ITFG2: variants seen among roughly 807,000 people sequenced by gnomAD.
ITFG2 encodes integrin alpha FG-GAP repeat containing 2.
ITFG2 carries 36 observed loss-of-function variants against 54.4 expected under a neutral mutation model. That is an observed-to-expected ratio of 0.66 (90% CI 0.51 to 0.87). The LOEUF (loss-of-function observed/expected upper bound fraction) is 0.87, where lower values mean the gene tolerates loss of function less well. Ranked by LOEUF, ITFG2 falls within the 40% of genes least tolerant of loss-of-function variation. The pLI is 0.00. For synonymous variants in ITFG2, 211 were observed against 225.4 expected (o/e 0.94, Z 0.57); for missense variants, 524 against 576.7 (o/e 0.91, Z 0.94).
At chr12:2,817,084 A>T in intron 1 of ITFG2, 139 bp from the exon 2 acceptor site, 1 of 605,844 alleles carries the variant, frequency 1.7e-6, no homozygotes, top group South Asian at 1.9e-5. Context: ...GAGTCATTGC[A>T]CCTGGCCAGA....
At chr12:2,850,272 G>A (rs1016299171) in intron 2 of ITFG2, among the ~76,000 whole-genome samples, 8 of 152,000 alleles carry the variant, frequency 5.3e-5, no homozygotes, top group Non-Finnish European at 1.2e-4. Flanking sequence ...TCAAGAGTTC[G>A]AGACCAGCCT....
At chr12:2,853,718 C>G (rs1047306556) in intron 2 of ITFG2, among the ~76,000 whole-genome samples, 3 of 152,156 alleles carry the variant, frequency 2.0e-5, no homozygotes, top group African/African-American at 7.2e-5. Context: ...TGCCTTCCCC[C>G]TTTCTTGTTA....
chr12:2,859,126 T>C (rs770458870), intron 3 of ITFG2: 15 of 1,606,292 alleles, frequency 9.3e-6, no homozygotes, highest in Middle Eastern at 3.3e-4. Flanking sequence ...GTTTCCTTAA[T>C]GGGTGTCTTA....
chr12:2,820,897 G>C, intron 6 of ITFG2, 25 bp downstream of exon 6: 1 of 1,609,894 alleles, frequency 6.2e-7, no homozygotes, highest in Non-Finnish European at 8.5e-7. Flanking sequence ...GCCAGTGGAT[G>C]GTGTGGGGGT....
At chr12:2,852,091 G>A (rs2098072901) in intron 2 of ITFG2, among the ~76,000 whole-genome samples, 3 of 152,136 alleles carry the variant, frequency 2.0e-5, no homozygotes, top group Admixed American at 2.0e-4. Flanking sequence ...GGACCGCTGT[G>A]GTATATGTGG....
intron 2 of ITFG2, chr12:2,855,276 G>A (rs1309736886): frequency 2.6e-6 from 4 of 1,517,306 alleles, no homozygotes; most frequent in Middle Eastern, 1.7e-4. Context: ...AAGGGTGGAT[G>A]AGCCGCTGAC....
intron 2 of ITFG2, among the ~76,000 whole-genome samples, chr12:2,842,943 A>G (rs577599544): frequency 6.6e-6 from 1 of 152,190 alleles, no homozygotes; most frequent in East Asian, 1.9e-4. Context: ...GATGAACTGT[A>G]TCCCACCTTC....
upstream of ITFG2, chr12:2,834,707 G>A (rs766479299): frequency 3.7e-6 from 6 of 1,613,908 alleles, no homozygotes; most frequent in African/African-American, 6.7e-5. Flanking sequence ...GAGTCCTTGT[G>A]CAGGAACTGG....
chr12:2,820,464 G>A (rs529342178), intron 5 of ITFG2, among the ~76,000 whole-genome samples: 3 of 152,250 alleles, frequency 2.0e-5, no homozygotes, highest in Admixed American at 6.5e-5. Context: ...TGTGGAGTGG[G>A]CCGCATCAGG....
downstream of ITFG2, among the ~76,000 whole-genome samples, chr12:2,829,981 G>A (rs954483950): frequency 2.0e-5 from 3 of 151,602 alleles, no homozygotes; most frequent in African/African-American, 4.9e-5. Flanking sequence ...GGAGGCTGAG[G>A]CAGGAGAATC....
chr12:2,826,908 T>G, downstream of ITFG2: 11 of 1,073,608 alleles, frequency 1.0e-5, no homozygotes, highest in African/African-American at 1.7e-5. Context: ...AGGCACCCCA[T>G]TGTGCTTAGG....
downstream of ITFG2, chr12:2,825,086 C>T (rs1422510139): frequency 1.3e-5 from 2 of 152,178 alleles, no homozygotes; most frequent in Non-Finnish European, 2.9e-5. Context: ...ACATTGCTCT[C>T]AGTGTAGGTA....
intron 2 of ITFG2, among the ~76,000 whole-genome samples, chr12:2,855,893 A>G (rs1348981173): frequency 1.3e-5 from 2 of 152,076 alleles, no homozygotes; most frequent in Non-Finnish European, 2.9e-5. Flanking sequence ...GTATACCAGG[A>G]AAGTCCTCCA....
chr12:2,830,826 T>G, intron 2 of ITFG2: 1 of 1,613,736 alleles, frequency 6.2e-7, no homozygotes, highest in Non-Finnish European at 8.5e-7. Flanking sequence ...CGGGTTTCCC[T>G]CCACCAGGCG....
chr12:2,836,583 G>T (rs889177626), upstream of ITFG2, among the ~76,000 whole-genome samples: 1 of 152,210 alleles, frequency 6.6e-6, no homozygotes, highest in African/African-American at 2.4e-5. Flanking sequence ...GAAAGAAAGT[G>T]TTATGGGTTG....
chr12:2,859,193 T>A, intron 3 of ITFG2: 1 of 1,611,028 alleles, frequency 6.2e-7, no homozygotes, highest in Non-Finnish European at 8.5e-7. Flanking sequence ...CAGAGGAGTC[T>A]GCTGGGAACG....
At chr12:2,820,047 G>C in intron 4 of ITFG2, 39 bp from the exon 5 acceptor site, 1 of 1,574,560 alleles carries the variant, frequency 6.4e-7, no homozygotes, top group Non-Finnish European at 8.6e-7. Flanking sequence ...GGGGCTGCTC[G>C]TGGGACTCCA....
Position 2,820,318 on chromosome 12 carries a change from A to G in ITFG2, c.546+93A>G, listed in dbSNP as rs1258512346. 5.7e-6 allele frequency: 8 copies of G among 1,412,318 alleles called. No homozygotes were observed. The South Asian group carries it at 1.2e-4, about 21-fold the overall frequency. 87.5% of individuals were successfully genotyped at this position (1,412,318 alleles called of 1,614,324 possible). The stretch of plus-strand genomic sequence containing the variant: ...GGGAGAGCAGTCATGGGACAGGGCC[A>G]GGGTGGGGAGAAGTGAAAAGTCACC... On this transcript the variant is annotated intron_variant, in intron 5 of 11. Transcript: ENST00000228799.
At position 2,845,196 on chromosome 12, in the gene ITFG2, G is replaced by A. The variant is rs1456516013; in HGVS notation, n.300+4201G>A. On this transcript the variant is annotated intron_variant and non_coding_transcript_variant, in intron 2 of 3. Coordinates refer to the ITFG2 transcript ENST00000537710. This position sits in a 1 kb window ranked among gnomAD's most constrained non-coding sequence, Gnocchi z 4.2. ...CAAGGGGCTCCCAGCAAGTGAGGCA[G>A]CGATGAGTTGGAATGAAGGCTGGAG... Among the ~76,000 whole-genome samples the A allele has an allele frequency of 6.6e-6, 1 of 152,202 alleles. No homozygotes were observed. Among genetic ancestry groups the A allele is most frequent in the Non-Finnish European group, 1.5e-5 (1 of 68,028 alleles).
Sources: gnomAD v4.1 joint callset for allele counts (sites outside exome capture counted in the v4.1 genomes callset) on GRCh38, gnomAD v4.1.1 for gene constraint, Gnocchi (gnomAD v3.1) non-coding constraint, MANE v1.5 for transcripts, NCBI Gene and HGNC (gene_info 2026-07-23, HGNC 2026-07-21) for gene names.